The following LRP1B variants were observed in gnomAD, a reference collection of about 807,000 sequenced individuals.
LRP1B encodes LDL receptor related protein 1B.
Under a neutral mutation model 556.6 loss-of-function variants are expected in LRP1B, and 217 were observed. The ratio of observed to expected loss-of-function variants is 0.39; its 90% CI spans 0.35 to 0.44. LRP1B has a LOEUF of 0.44. Ranked by LOEUF, LRP1B falls within the 20% of genes least tolerant of loss-of-function variation. The pLI is 1.00. For synonymous variants in LRP1B, 2,047 were observed against 1,865.8 expected, an observed-to-expected ratio of 1.10 and a Z score of -2.50; for missense variants, 5,053 against 5,620.8, an observed-to-expected ratio of 0.90 and a Z score of 3.23.
chr2:140,684,492 C>T (rs1685976796), intron 41 of LRP1B, among the ~76,000 whole-genome samples: 1 of 152,116 alleles, frequency 6.6e-6, no homozygotes, highest in African/African-American at 2.4e-5. Context: ...CCTGCCTTGC[C>T]AGTTCATCTT....
intron 66 of LRP1B, among the ~76,000 whole-genome samples, chr2:140,428,186 A>C (rs1285134731): frequency 6.6e-6 from 1 of 152,120 alleles, no homozygotes. Flanking sequence ...AAACTCCAAA[A>C]ATTAAATTCT....
intron 1 of LRP1B, among the ~76,000 whole-genome samples, chr2:141,995,442 G>C (rs951322579): frequency 6.6e-6 from 1 of 151,854 alleles, no homozygotes; most frequent in Non-Finnish European, 1.5e-5. Context: ...CTCTTTTAGC[G>C]GCCCCTGTGA....
intron 18 of LRP1B, among the ~76,000 whole-genome samples, chr2:140,956,839 A>G (rs2105309491): frequency 6.6e-6 from 1 of 151,878 alleles, no homozygotes; most frequent in African/African-American, 2.4e-5. Flanking sequence ...GTAGTTACCT[A>G]ACATCTCTGA....
At chr2:141,926,124 CATTAAATGTT>C (rs942753883) in intron 1 of LRP1B, among the ~76,000 whole-genome samples, 1 of 152,112 alleles carries the variant, frequency 6.6e-6, no homozygotes, top group Non-Finnish European at 1.5e-5. Context: ...TTCTCAGTCA[CATTAAATGTT>C]ATTTCAACAT....
intron 83 of LRP1B, among the ~76,000 whole-genome samples, chr2:140,304,867 A>C (rs1683998965): frequency 6.6e-6 from 1 of 152,144 alleles, no homozygotes; most frequent in Admixed American, 6.6e-5. Flanking sequence ...TTCCACTTTC[A>C]ACATATGGCT....
At chr2:140,765,351 G>A (rs935538387) in intron 35 of LRP1B, among the ~76,000 whole-genome samples, 8 of 152,120 alleles carry the variant, frequency 5.3e-5, no homozygotes, top group Admixed American at 2.6e-4. Context: ...TTATTAAGGA[G>A]AAGTCATAAG....
At chr2:141,129,093 T>A (rs2105020906) in intron 7 of LRP1B, among the ~76,000 whole-genome samples, 1 of 152,252 alleles carries the variant, frequency 6.6e-6, no homozygotes, top group Admixed American at 6.5e-5. Context: ...ATGGAAATTT[T>A]AAAAAATGAA....
chr2:141,417,242 A>T (rs1691140290), intron 3 of LRP1B, among the ~76,000 whole-genome samples: 1 of 152,170 alleles, frequency 6.6e-6, no homozygotes, highest in Admixed American at 6.5e-5. Context: ...GGTTAAAAAA[A>T]CTCATGAGAC....
chr2:140,965,272 T>C (rs1439001063), intron 18 of LRP1B, among the ~76,000 whole-genome samples: 2 of 152,190 alleles, frequency 1.3e-5, no homozygotes, highest in African/African-American at 4.8e-5. Flanking sequence ...TAAGTATTTC[T>C]TGTGGTTCTG....
At chr2:141,638,039 A>G (rs1444598086) in intron 2 of LRP1B, among the ~76,000 whole-genome samples, 1 of 152,142 alleles carries the variant, frequency 6.6e-6, no homozygotes, top group Admixed American at 6.5e-5. Flanking sequence ...CATCTCTACA[A>G]AAAATACAAA....
chr2:141,199,187 T>C (rs1681890160), intron 6 of LRP1B, among the ~76,000 whole-genome samples: 1 of 152,148 alleles, frequency 6.6e-6, no homozygotes, highest in African/African-American at 2.4e-5. Flanking sequence ...AGATTTACTG[T>C]CCCGCACAAA....
chr2:140,267,336 CTG>C (rs1682252059), intron 86 of LRP1B, among the ~76,000 whole-genome samples: 1 of 151,940 alleles, frequency 6.6e-6, no homozygotes, highest in African/African-American at 2.4e-5. Context: ...TCTTCAGTAT[CTG>C]TGGGGAACTG....
intron 11 of LRP1B, among the ~76,000 whole-genome samples, chr2:141,028,866 T>G (rs891969781): frequency 2.0e-5 from 3 of 152,112 alleles, no homozygotes; most frequent in African/African-American, 7.2e-5. Flanking sequence ...CTATTGAAGC[T>G]TACATTCTTG....
intron 20 of LRP1B, among the ~76,000 whole-genome samples, chr2:140,931,507 C>T (rs573291942): frequency 2.6e-5 from 4 of 151,860 alleles, no homozygotes; most frequent in South Asian, 2.1e-4. Flanking sequence ...GATTTCAAGA[C>T]TTTATATAGG....
At chr2:142,098,680 CATT>C (rs968270578) in intron 1 of LRP1B, among the ~76,000 whole-genome samples, 7 of 151,672 alleles carry the variant, frequency 4.6e-5, no homozygotes, top group Non-Finnish European at 7.4e-5. Flanking sequence ...TTGCTCTTTA[CATT>C]ATTATCATTC....
intron 2 of LRP1B, among the ~76,000 whole-genome samples, chr2:141,648,916 C>G (rs955842042): frequency 2.0e-4 from 31 of 152,222 alleles, no homozygotes; most frequent in African/African-American, 6.3e-4. Flanking sequence ...TTACTCTACA[C>G]AATTCTGCTT....
intron 3 of LRP1B, among the ~76,000 whole-genome samples, chr2:141,386,873 A>C (rs1452172501): frequency 6.6e-6 from 1 of 152,040 alleles, no homozygotes; most frequent in East Asian, 1.9e-4. Flanking sequence ...GAATATATAG[A>C]ATATTCCACC....
At chr2:141,544,396 C>CCTCCTCCTT (rs1685472494) in intron 2 of LRP1B, among the ~76,000 whole-genome samples, 7 of 51,948 alleles carry the variant, frequency 1.3e-4, no homozygotes, top group African/African-American at 3.9e-4. Context: ...TCCTCCTCCT[C>CCTCCTCCTT]CTCCTCCTCC....
intron 4 of LRP1B, among the ~76,000 whole-genome samples, chr2:141,251,750 G>T (rs1684269279): frequency 6.6e-6 from 1 of 151,946 alleles, no homozygotes; most frequent in Non-Finnish European, 1.5e-5. Context: ...AAGAGAAAGA[G>T]TAATTTGAGG....
Sources: allele counts gnomAD v4.1 joint callset (sites outside exome capture counted in the v4.1 genomes callset), GRCh38; gene constraint gnomAD v4.1.1; transcripts MANE v1.5; gene names NCBI Gene and HGNC (gene_info 2026-07-23, HGNC 2026-07-21).